Variants in EDNRB observed in about 807,000 individuals in gnomAD.
EDNRB encodes the protein endothelin receptor type B.
A neutral mutation model predicts 46.4 loss-of-function variants in EDNRB; 18 were observed. That is an observed-to-expected ratio of 0.39 (90% confidence interval 0.27 to 0.57). EDNRB has a LOEUF of 0.57. EDNRB is among the 20% of genes least tolerant of loss of function. The probability of loss-of-function intolerance (pLI) is 0.61; values close to 1 mark genes in which losing one functional copy is unlikely to be tolerated. For missense variants in EDNRB, 434 were observed against 537.5 expected (o/e 0.81, Z 1.90); for synonymous variants, 213 against 204.9 (o/e 1.04, Z -0.34).
intron 1 of EDNRB, among the ~76,000 whole-genome samples, chr13:77,946,653 G>A (rs1767270897): frequency 6.6e-6 from 1 of 152,190 alleles, no homozygotes; most frequent in African/African-American, 2.4e-5. Flanking sequence ...GCCACAGGCT[G>A]CAAGTTTGAG....
intron 3 of EDNRB, 89 bp downstream of exon 3, chr13:77,903,067 C>A: frequency 7.3e-7 from 1 of 1,369,310 alleles, no homozygotes; most frequent in Non-Finnish European, 1.0e-6. Flanking sequence ...CATAAATCAA[C>A]AGTTTCCCAA....
chr13:77,915,759 G>GT, intron 1 of EDNRB, among the ~76,000 whole-genome samples: 1 of 152,300 alleles, frequency 6.6e-6, no homozygotes, highest in South Asian at 2.1e-4. Flanking sequence ...CCTTAGTGAT[G>GT]GGACGTAATG....
At chr13:77,974,749 G>A (rs530196485) in intron 1 of EDNRB, among the ~76,000 whole-genome samples, 15 of 152,100 alleles carry the variant, frequency 9.9e-5, no homozygotes, top group African/African-American at 3.6e-4. Flanking sequence ...GGCTTTACAG[G>A]TTACCTTGTG....
At chr13:77,966,321 C>A (rs1473788752) in intron 1 of EDNRB, among the ~76,000 whole-genome samples, 1 of 152,150 alleles carries the variant, frequency 6.6e-6, no homozygotes, top group Non-Finnish European at 1.5e-5. Context: ...ACCTGTGCCC[C>A]CACAAAAGCA....
intron 1 of EDNRB, among the ~76,000 whole-genome samples, chr13:77,935,204 G>A (rs767698735): frequency 1.1e-4 from 17 of 152,232 alleles, no homozygotes; most frequent in South Asian, 4.1e-4. Flanking sequence ...GGCGGCGGCC[G>A]CCACACGCAA....
upstream of EDNRB, chr13:77,918,909 A>G: frequency 1.6e-6 from 2 of 1,221,854 alleles, no homozygotes; most frequent in Non-Finnish European, 2.0e-6. This position sits in a 1 kb window ranked among gnomAD's most constrained non-coding sequence, Gnocchi z 4.5. Flanking sequence ...GGAGGGAATG[A>G]TGGGGGTCCC....
chr13:77,923,820 C>A (rs1880156111), upstream of EDNRB, among the ~76,000 whole-genome samples: 2 of 148,718 alleles, frequency 1.3e-5, no homozygotes, highest in African/African-American at 2.5e-5. Flanking sequence ...ATTTGTAGTA[C>A]AGAATAGAAT....
At chr13:77,923,522 T>TC (rs1187192344), upstream of EDNRB, among the ~76,000 whole-genome samples, 1 of 152,226 alleles carries the variant, frequency 6.6e-6, no homozygotes, top group Non-Finnish European at 1.5e-5. Flanking sequence ...ATCATTACTG[T>TC]ATGTCAGCAC....
rs12720116 is a variant in EDNRB, at chr13:77,974,544, G to T, written c.-52+803C>A. The stretch of plus-strand genomic sequence containing the variant: ...ATTTACCTTGGCTTTTAAAGGAATA[G>T]GGTACACTTTTTTTCTTAACTACTT... On this transcript the variant is annotated intron_variant, in intron 1 of 7. Coordinates refer to the EDNRB transcript ENST00000646948. 5.9e-3 allele frequency among the ~76,000 whole-genome samples: 901 copies of T among 152,136 alleles called. 13 individuals carry two copies. Among genetic ancestry groups the T allele is most frequent in the African/African-American group, 0.021 (864 of 41,508 alleles).
intron 1 of EDNRB, among the ~76,000 whole-genome samples, chr13:77,915,207 G>T (rs138057271): frequency 0.012 from 1,757 of 152,162 alleles, 22 homozygotes; most frequent in Middle Eastern, 0.044. Context: ...GCTTTTAACT[G>T]GTCCTGGATT....
At chr13:77,912,057 G>A (rs1390569914) in intron 1 of EDNRB, among the ~76,000 whole-genome samples, 2 of 152,032 alleles carry the variant, frequency 1.3e-5, no homozygotes, top group African/African-American at 4.8e-5. Flanking sequence ...CCCTTATATG[G>A]TTTTCTTTGT....
chr13:77,926,986 G>C (rs1880256994), intron 1 of EDNRB, among the ~76,000 whole-genome samples: 1 of 152,208 alleles, frequency 6.6e-6, no homozygotes, highest in African/African-American at 2.4e-5. Flanking sequence ...AGTACCATGA[G>C]AACAGTATGG....
intron 1 of EDNRB, among the ~76,000 whole-genome samples, chr13:77,972,624 G>T (rs1256608987): frequency 6.6e-6 from 1 of 152,142 alleles, no homozygotes; most frequent in Non-Finnish European, 1.5e-5. Flanking sequence ...AGTCAAGAGG[G>T]ATAGAAGTAC....
At chr13:77,960,356 A>C (rs1334084879) in intron 1 of EDNRB, among the ~76,000 whole-genome samples, 1 of 152,248 alleles carries the variant, frequency 6.6e-6, no homozygotes, top group Non-Finnish European at 1.5e-5. Context: ...AAACTCTATA[A>C]GCCAGAAGAG....
In EDNRB at chr13:77,918,261, T is replaced by A; in HGVS notation, c.313A>T (p.Thr105Ser). The A allele has an allele frequency of 6.2e-7, 1 of 1,613,856 alleles. No individual in the cohort carries two copies. Among genetic ancestry groups the A allele is most frequent in the East Asian group, 2.2e-5 (1 of 44,846 alleles). Reference sequence around the variant, plus strand: ...ACGAACACAAGGCAGGACACAACCGTGTTGATGTATTTGAAAGTCTCCTTG... The same window carrying A: ...ACGAACACAAGGCAGGACACAACCGAGTTGATGTATTTGAAAGTCTCCTTG... ...EIKETFKYIN[T>S]VVSCLVFVLG... The change falls in exon 1 of 7, where the codon ACG becomes TCG. Residue 105 changes from threonine to serine, a missense_variant. By Grantham distance (58) the Thr-to-Ser change is moderately conservative. Transcript: ENST00000646607. The surrounding 1 kb of genome is among the most constrained non-coding windows in gnomAD (Gnocchi z 4.5).
chr13:77,959,559 AC>A (rs1881341264), intron 1 of EDNRB, among the ~76,000 whole-genome samples: 1 of 152,222 alleles, frequency 6.6e-6, no homozygotes, highest in African/African-American at 2.4e-5. Context: ...ATCATCAAAG[AC>A]CAAAGGTAGA....
At chr13:77,920,913 C>A (rs1359396427), upstream of EDNRB, among the ~76,000 whole-genome samples, 1 of 152,166 alleles carries the variant, frequency 6.6e-6, no homozygotes, top group Admixed American at 6.5e-5. Context: ...TGGGTTCATG[C>A]CTATGGCTCC....
chr13:77,959,352 G>T (rs559746387), intron 1 of EDNRB, among the ~76,000 whole-genome samples: 10 of 152,298 alleles, frequency 6.6e-5, no homozygotes, highest in Admixed American at 2.0e-4. Context: ...GCTTCCAGAG[G>T]AACGATCAGG....
Position 77,900,540 on chromosome 13 carries a change from T to A in EDNRB, c.1066A>T (p.Asn356Tyr). The A allele has an allele frequency of 6.2e-7, 1 of 1,612,504 alleles. No homozygotes were observed. Among genetic ancestry groups the A allele is most frequent in the Middle Eastern group, 1.7e-4 (1 of 6,048 alleles). ...KLTLYNQNDP[N>Y]RCELLSFLLV... ...TCTTACCTCAAAAGTTCACATCTAT[T>A]GGGATCATTCTGATTATAAAGAGTG... is the stretch of plus-strand genomic sequence containing the variant. Residue 356 changes from asparagine (N) to tyrosine (Y), a missense_variant, in exon 5 of 7, where the codon AAT (asparagine) becomes TAT (tyrosine). Coordinates refer to ENST00000646607, the MANE Select transcript of EDNRB (RefSeq NM_001122659.3).
Sources: allele counts gnomAD v4.1 joint callset (sites outside exome capture counted in the v4.1 genomes callset), GRCh38; gene constraint gnomAD v4.1.1; non-coding constraint Gnocchi (gnomAD v3.1); transcripts MANE v1.5; gene names NCBI Gene and HGNC (gene_info 2026-07-23, HGNC 2026-07-21).